Variants in DLG2 observed in about 807,000 individuals in gnomAD.
DLG2 encodes the protein discs large MAGUK scaffold protein 2.
In DLG2, 45 loss-of-function variants were observed where a neutral mutation model predicts 132.5. That is an observed-to-expected ratio of 0.34 (90% CI 0.27 to 0.44). The LOEUF is 0.44. Ranked by LOEUF, DLG2 falls within the 20% of genes least tolerant of loss-of-function variation. DLG2 has a pLI of 1.00. For synonymous variants in DLG2, 424 were observed against 419.6 expected (o/e 1.01, Z -0.13); for missense variants, 1,045 against 1,196.9 (o/e 0.87, Z 1.87).
At chr11:84,781,933 T>TAGGATG (rs1483305667) in intron 6 of DLG2, among the ~76,000 whole-genome samples, 1 of 152,012 alleles carries the variant, frequency 6.6e-6, no homozygotes, top group Non-Finnish European at 1.5e-5. Flanking sequence ...AGGACAGACC[T>TAGGATG]AGGATGCAAG....
chr11:85,009,143 C>A (rs183976666), intron 6 of DLG2, among the ~76,000 whole-genome samples: 5 of 151,904 alleles, frequency 3.3e-5, no homozygotes, highest in Non-Finnish European at 7.4e-5. Flanking sequence ...TTTTGCAAGC[C>A]ATAGTAAGAA....
intron 6 of DLG2, among the ~76,000 whole-genome samples, chr11:84,609,165 C>A (rs2099590964): frequency 6.6e-6 from 1 of 152,166 alleles, no homozygotes; most frequent in Non-Finnish European, 1.5e-5. Flanking sequence ...GACTCAAGAG[C>A]AAACTGCTTG....
rs1043806134 is a variant in DLG2 at position 85,051,314 on chromosome 11, G to C, written c.357+60347C>G. 3.3e-5 allele frequency among the ~76,000 whole-genome samples: 5 copies of C among 152,108 alleles called. No homozygotes were observed. In the South Asian group the frequency reaches 6.2e-4, roughly 19 times the overall value. On this transcript the variant is annotated intron_variant, in intron 6 of 27. Coordinates refer to ENST00000376104, the MANE Select transcript of DLG2 (RefSeq NM_001142699.3). ...TTTATTCTAACTCTGTAAGAAGATA[G>C]ACCATTGGCATTCCCCCAAAATTTG... is the stretch of plus-strand genomic sequence containing the variant.
chr11:84,075,243 A>G (rs1945831), intron 10 of DLG2, among the ~76,000 whole-genome samples: 132,003 of 152,196 alleles, frequency 0.87, 57,539 homozygotes, highest in Middle Eastern at 0.94. Flanking sequence ...TCTGCATAGC[A>G]TTTATTACCA....
intron 8 of DLG2, among the ~76,000 whole-genome samples, chr11:84,163,932 C>T (rs1418838856): frequency 2.0e-5 from 3 of 152,092 alleles, no homozygotes; most frequent in Non-Finnish European, 2.9e-5. Flanking sequence ...CAACATTGTT[C>T]CATTTTTGAA....
At chr11:85,100,993 C>G (rs1245504011) in intron 6 of DLG2, among the ~76,000 whole-genome samples, 3 of 152,152 alleles carry the variant, frequency 2.0e-5, no homozygotes, top group African/African-American at 7.2e-5. Context: ...TTCTCCAAAA[C>G]AGCTTTAGAA....
chr11:83,831,396 C>T (rs1259648497), intron 17 of DLG2, among the ~76,000 whole-genome samples: 1 of 152,138 alleles, frequency 6.6e-6, no homozygotes, highest in African/African-American at 2.4e-5. Context: ...GATGAGTAGG[C>T]AGAGGCCTTC....
chr11:84,646,677 A>G (rs1334958266), intron 6 of DLG2, among the ~76,000 whole-genome samples: 1 of 151,774 alleles, frequency 6.6e-6, no homozygotes, highest in Non-Finnish European at 1.5e-5. Flanking sequence ...AAAAATAACA[A>G]CCTCAGAGCA....
chr11:84,032,003 T>A (rs1271307068), intron 11 of DLG2, among the ~76,000 whole-genome samples: 1 of 152,136 alleles, frequency 6.6e-6, no homozygotes, highest in Non-Finnish European at 1.5e-5. Context: ...AATATGCCCA[T>A]ATAAGATGAT....
intron 16 of DLG2, among the ~76,000 whole-genome samples, chr11:83,861,304 A>G (rs1389885675): frequency 1.3e-5 from 2 of 152,208 alleles, no homozygotes; most frequent in Non-Finnish European, 2.9e-5. Flanking sequence ...TACAATCACT[A>G]TGGAGAACAG....
At chr11:84,423,214 G>C (rs2098956194) in intron 7 of DLG2, among the ~76,000 whole-genome samples, 1 of 151,998 alleles carries the variant, frequency 6.6e-6, no homozygotes, top group African/African-American at 2.4e-5. Flanking sequence ...TGTATTTAAT[G>C]CCCATAATTC....
At chr11:85,211,040 T>C (rs947745666) in intron 4 of DLG2, among the ~76,000 whole-genome samples, 6 of 152,154 alleles carry the variant, frequency 3.9e-5, no homozygotes, top group Admixed American at 1.3e-4. Context: ...ACTTATAGCA[T>C]ATTCAATATT....
chr11:84,511,518 C>T (rs1053648488), intron 7 of DLG2, among the ~76,000 whole-genome samples: 1 of 152,070 alleles, frequency 6.6e-6, no homozygotes, highest in African/African-American at 2.4e-5. Flanking sequence ...GAAATAATGC[C>T]TATACTTAGG....
At chr11:83,729,765 G>A (rs1412506569) in intron 18 of DLG2, among the ~76,000 whole-genome samples, 1 of 152,158 alleles carries the variant, frequency 6.6e-6, no homozygotes, top group Non-Finnish European at 1.5e-5. Context: ...AGTTGAATTG[G>A]CAGTCTTTGT....
intron 25 of DLG2, 46 bp downstream of exon 25, chr11:83,469,155 C>A: frequency 2.1e-6 from 3 of 1,455,554 alleles, no homozygotes; most frequent in South Asian, 1.5e-5. Flanking sequence ...AGTTTGCAAC[C>A]TAGAAACCTT....
intron 3 of DLG2, among the ~76,000 whole-genome samples, chr11:85,572,072 A>G (rs1478635313): frequency 6.6e-6 from 1 of 152,162 alleles, no homozygotes; most frequent in Non-Finnish European, 1.5e-5. Flanking sequence ...CTCTTGACAA[A>G]GTGCTCTTCT....
intron 7 of DLG2, among the ~76,000 whole-genome samples, chr11:84,299,922 G>A (rs1480667455): frequency 1.3e-5 from 2 of 152,112 alleles, no homozygotes; most frequent in Non-Finnish European, 2.9e-5. Flanking sequence ...TTGATGAGAA[G>A]AGTCAAGAGA....
intron 5 of DLG2, among the ~76,000 whole-genome samples, chr11:85,149,024 G>T (rs1176518634): frequency 6.6e-6 from 1 of 152,142 alleles, no homozygotes; most frequent in Non-Finnish European, 1.5e-5. Context: ...CCCATTGCTT[G>T]CTTTTGTCTG....
intron 8 of DLG2, among the ~76,000 whole-genome samples, chr11:84,207,081 C>CTA (rs66827556): frequency 6.3e-4 from 92 of 146,924 alleles, no homozygotes; most frequent in East Asian, 3.4e-3. Flanking sequence ...CTCTCTCTCT[C>CTA]TATATATATA....
Sources: gnomAD v4.1 joint callset for allele counts (sites outside exome capture counted in the v4.1 genomes callset) on GRCh38, gnomAD v4.1.1 for gene constraint, MANE v1.5 for transcripts, NCBI Gene and HGNC (gene_info 2026-07-23, HGNC 2026-07-21) for gene names.